Variants in SORCS2 observed in about 807,000 individuals in gnomAD.
The protein encoded by SORCS2 is sortilin related VPS10 domain containing receptor 2.
In SORCS2, 100 loss-of-function variants were observed where a neutral mutation model predicts 141.6. The ratio of observed to expected loss-of-function variants is 0.71; its 90% CI spans 0.60 to 0.83. The LOEUF is 0.83. SORCS2 is among the 40% of genes least tolerant of loss of function. The pLI is 0.00. For synonymous variants in SORCS2, 789 were observed against 676.9 expected (o/e 1.17, Z -2.57); for missense variants, 1,646 against 1,560.2 (o/e 1.05, Z -0.93).
At position 7,731,031 on chromosome 4, in the gene SORCS2, C is replaced by T. The variant is rs538539757; in HGVS notation, c.3108+1319C>T. On this transcript the variant is annotated intron_variant, in intron 23 of 26. Coordinates refer to ENST00000507866, the MANE Select transcript of SORCS2 (RefSeq NM_020777.3). Reference sequence around the variant, plus strand: ...CCACGTGGTGCCACGTCCCATTTTACAGACATGAGAAGTGAGGCTTGGCGA... The same window carrying T: ...CCACGTGGTGCCACGTCCCATTTTATAGACATGAGAAGTGAGGCTTGGCGA... Among the ~76,000 whole-genome samples the T allele has an allele frequency of 2.5e-3, 383 of 152,310 alleles. 3 individuals are homozygous for T. The highest frequency in any genetic ancestry group is 2.0e-3 in the Non-Finnish European group (133 of 68,044).
At chr4:7,738,026 G>T (rs879593538) in intron 26 of SORCS2, among the ~76,000 whole-genome samples, 1 of 152,236 alleles carries the variant, frequency 6.6e-6, no homozygotes, top group African/African-American at 2.4e-5. Flanking sequence ...CCAGGCAGGA[G>T]CCACACCCCT....
At chr4:7,228,737 G>A (rs1452398136) in intron 1 of SORCS2, among the ~76,000 whole-genome samples, 1 of 152,212 alleles carries the variant, frequency 6.6e-6, no homozygotes, top group Non-Finnish European at 1.5e-5. Flanking sequence ...CTACGACTCT[G>A]TCCAGCTGCT....
At chr4:7,320,764 G>A (rs900263986) in intron 1 of SORCS2, among the ~76,000 whole-genome samples, 2 of 152,100 alleles carry the variant, frequency 1.3e-5, no homozygotes, top group Non-Finnish European at 2.9e-5. Flanking sequence ...GATGGAAAGC[G>A]TGATTGGAGA....
At chr4:7,477,503 C>T (rs1407749604) in intron 2 of SORCS2, among the ~76,000 whole-genome samples, 1 of 152,068 alleles carries the variant, frequency 6.6e-6, no homozygotes, top group African/African-American at 2.4e-5. Flanking sequence ...AGTGAGCTGG[C>T]TCCCATTCCA....
At chr4:7,387,501 A>T (rs1426691948) in intron 1 of SORCS2, among the ~76,000 whole-genome samples, 1 of 151,366 alleles carries the variant, frequency 6.6e-6, no homozygotes, top group Non-Finnish European at 1.5e-5. Context: ...ACATGCACAC[A>T]AATACAGGTA....
At chr4:7,433,323 T>C in intron 2 of SORCS2, 1 of 1,408,436 alleles carries the variant, frequency 7.1e-7, no homozygotes, top group South Asian at 1.8e-5. Context: ...GTCACGCGTG[T>C]TCCCCAGCGT....
intron 2 of SORCS2, among the ~76,000 whole-genome samples, chr4:7,437,761 G>A (rs1727403531): frequency 6.6e-6 from 1 of 151,992 alleles, no homozygotes; most frequent in Admixed American, 6.6e-5. Flanking sequence ...TTACTTAAAG[G>A]ATGGCTGCAA....
chr4:7,211,054 A>C (rs1053323755), intron 1 of SORCS2, among the ~76,000 whole-genome samples: 2 of 152,378 alleles, frequency 1.3e-5, no homozygotes, highest in Middle Eastern at 3.4e-3. Flanking sequence ...CATGGACACA[A>C]AATCACTTGT....
chr4:7,596,008 G>T (rs760266765), intron 3 of SORCS2, among the ~76,000 whole-genome samples: 1 of 152,092 alleles, frequency 6.6e-6, no homozygotes, highest in African/African-American at 2.4e-5. Context: ...GGCAACCCGC[G>T]GTTTCTCATT....
chr4:7,488,809 T>A (rs935741736), intron 2 of SORCS2, among the ~76,000 whole-genome samples: 4 of 152,214 alleles, frequency 2.6e-5, no homozygotes, highest in Admixed American at 6.5e-5. Context: ...AGCACTTGGA[T>A]GAGATGAGAT....
rs771996894 is a variant in SORCS2 at position 7,723,817 on chromosome 4, C to T, written c.2545C>T (p.Arg849Cys). The change falls in exon 19 of 27, where the codon CGC becomes TGC. Residue 849 changes from arginine to cysteine, a missense_variant. Physicochemically the swap from Arg to Cys is radical, Grantham distance 180 (BLOSUM62 -3). Coordinates refer to ENST00000507866, the MANE Select transcript of SORCS2 (RefSeq NM_020777.3). ...CCGCTACGAGAGCCCCGGCATCTAC[C>T]GCGTGTCCGTCAGGGCAGAGAACAC... The part of the protein sequence containing the change: ...RHRYESPGIY[R>C]VSVRAENTAG... The T allele has an allele frequency of 5.0e-5, 80 of 1,613,436 alleles. 1 individual carries two copies. Among genetic ancestry groups the T allele is most frequent in the South Asian group, 4.3e-4 (39 of 91,094 alleles).
intron 3 of SORCS2, among the ~76,000 whole-genome samples, chr4:7,535,296 C>T (rs1712023147): frequency 6.6e-6 from 1 of 152,244 alleles, no homozygotes; most frequent in Non-Finnish European, 1.5e-5. Context: ...GCAGGAACTG[C>T]TGTCTCGGAG....
intron 2 of SORCS2, among the ~76,000 whole-genome samples, chr4:7,420,601 G>A (rs953876741): frequency 6.6e-6 from 1 of 152,078 alleles, no homozygotes; most frequent in Non-Finnish European, 1.5e-5. Flanking sequence ...AAGGAAGTCT[G>A]GTGTCACTGG....
chr4:7,722,781 G>A (rs1726679025), intron 18 of SORCS2, among the ~76,000 whole-genome samples: 1 of 152,216 alleles, frequency 6.6e-6, no homozygotes, highest in Non-Finnish European at 1.5e-5. Context: ...TACCACATCT[G>A]TGGAGAAAGT....
At chr4:7,224,451 C>G (rs1361202832) in intron 1 of SORCS2, among the ~76,000 whole-genome samples, 1 of 150,474 alleles carries the variant, frequency 6.6e-6, no homozygotes, top group African/African-American at 2.5e-5. Context: ...GTCGTGTCCT[C>G]TGGTCTCAGA....
In SORCS2 at chr4:7,269,692, CT is replaced by C. The variant is rs534937006; in HGVS notation, c.480+76569del. 2.5e-3 allele frequency among the ~76,000 whole-genome samples: 380 copies of C among 152,332 alleles called. 2 individuals are homozygous for C. Among genetic ancestry groups the C allele is most frequent in the Non-Finnish European group, 4.3e-3 (294 of 68,028 alleles). The stretch of plus-strand genomic sequence containing the variant: ...AAGCCAGGGTGAGAGGCCTGAATGG[CT>C]TTGTCTCTGAGCCTCCAGAAGGAAC... On this transcript the variant is annotated intron_variant, in intron 1 of 26. Transcript: ENST00000507866.
intron 3 of SORCS2, among the ~76,000 whole-genome samples, chr4:7,549,464 C>A (rs1453933925): frequency 6.6e-6 from 1 of 151,948 alleles, no homozygotes; most frequent in Non-Finnish European, 1.5e-5. Flanking sequence ...AAGCCAGAGG[C>A]CCCTGAGGCC....
chr4:7,671,152 G>A (rs1722774759), intron 8 of SORCS2, among the ~76,000 whole-genome samples: 1 of 144,068 alleles, frequency 6.9e-6, no homozygotes, highest in African/African-American at 2.9e-5. Flanking sequence ...TCTTGGTAAA[G>A]AGATAGCCAA....
chr4:7,735,686 C>T (rs1712106448), intron 25 of SORCS2, among the ~76,000 whole-genome samples: 1 of 152,286 alleles, frequency 6.6e-6, no homozygotes, highest in Middle Eastern at 3.4e-3. Context: ...CACTGGCTTC[C>T]GAACAGGTCT....
Sources: gnomAD v4.1 joint callset for allele counts (sites outside exome capture counted in the v4.1 genomes callset) on GRCh38, gnomAD v4.1.1 for gene constraint, MANE v1.5 for transcripts, NCBI Gene and HGNC (gene_info 2026-07-23, HGNC 2026-07-21) for gene names.